FRMD4B: variants seen among roughly 807,000 people sequenced by gnomAD.
The protein encoded by FRMD4B is FERM domain containing 4B, also known as FERM domain-containing protein 4B.
A neutral mutation model predicts 141.5 loss-of-function variants in FRMD4B; 74 were observed. That is an observed-to-expected ratio of 0.52 (90% CI 0.43 to 0.63). The LOEUF is 0.63. FRMD4B is among the 30% of genes least tolerant of loss of function. The pLI, the probability that FRMD4B is intolerant of heterozygous loss-of-function variation, is 0.00. For missense variants in FRMD4B, 1,366 were observed against 1,253.4 expected, an observed-to-expected ratio of 1.09 and a Z score of -1.36; for synonymous variants, 506 against 467.9, an observed-to-expected ratio of 1.08 and a Z score of -1.05.
At chr3:69,278,566 C>T (rs578187489) in intron 5 of FRMD4B, among the ~76,000 whole-genome samples, 5 of 151,132 alleles carry the variant, frequency 3.3e-5, no homozygotes, top group South Asian at 2.1e-4. Context: ...CAAAGTGTTG[C>T]GATTACAGGT....
At chr3:69,471,861 G>A (rs551821939) in intron 1 of FRMD4B, 1 of 155,340 alleles carries the variant, frequency 6.4e-6, no homozygotes, top group African/African-American at 2.4e-5. Flanking sequence ...GTGTTGGGCA[G>A]AAGTATTTCT....
At chr3:69,203,918 T>C (rs2092996995) in intron 11 of FRMD4B, among the ~76,000 whole-genome samples, 3 of 152,292 alleles carry the variant, frequency 2.0e-5, no homozygotes, top group South Asian at 2.1e-4. Context: ...TGAGAAACAA[T>C]TGGGTTATTC....
chr3:69,176,416 A>G, intron 22 of FRMD4B, 108 bp downstream of exon 22: 2 of 879,270 alleles, frequency 2.3e-6, no homozygotes, highest in Non-Finnish European at 1.8e-6. Context: ...CCCACAGGCT[A>G]GAGTTTGCCA....
At chr3:69,294,161 C>T (rs1013024854) in intron 4 of FRMD4B, among the ~76,000 whole-genome samples, 1 of 152,114 alleles carries the variant, frequency 6.6e-6, no homozygotes, top group South Asian at 2.1e-4. Flanking sequence ...TTGTGACTGG[C>T]GTCCAGTGAG....
chr3:69,269,614 C>G (rs180814060), intron 5 of FRMD4B, among the ~76,000 whole-genome samples: 52 of 152,350 alleles, frequency 3.4e-4, no homozygotes, highest in African/African-American at 1.2e-3. Flanking sequence ...GAATTACTGA[C>G]TTCACTTCAA....
intron 2 of FRMD4B, among the ~76,000 whole-genome samples, chr3:69,399,853 A>G (rs1422794169): frequency 6.6e-6 from 1 of 152,202 alleles, no homozygotes; most frequent in Non-Finnish European, 1.5e-5. Context: ...CATAAGCTCC[A>G]TGGGTGCAGG....
At chr3:69,469,331 T>A (rs1373141472) in intron 1 of FRMD4B, among the ~76,000 whole-genome samples, 1 of 152,206 alleles carries the variant, frequency 6.6e-6, no homozygotes, top group Non-Finnish European at 1.5e-5. Context: ...TTCAACTGAC[T>A]CTTTAATTAA....
At chr3:69,335,270 A>C (rs1448438429) in intron 1 of FRMD4B, among the ~76,000 whole-genome samples, 3 of 152,220 alleles carry the variant, frequency 2.0e-5, no homozygotes, top group Admixed American at 2.0e-4. Context: ...GGCAGATCTG[A>C]GAAAAGCATA....
chr3:69,271,776 T>C (rs2093595521), intron 5 of FRMD4B, among the ~76,000 whole-genome samples: 1 of 151,972 alleles, frequency 6.6e-6, no homozygotes, highest in African/African-American at 2.4e-5. Flanking sequence ...AGTTCAACAC[T>C]AGCCTGGCCA....
At chr3:69,351,435 A>T (rs1317807172) in intron 1 of FRMD4B, among the ~76,000 whole-genome samples, 2 of 151,862 alleles carry the variant, frequency 1.3e-5, no homozygotes, top group African/African-American at 4.9e-5. Context: ...AAAGTGTTTT[A>T]GTATGGTTTT....
At chr3:69,380,569 C>G (rs1041269764) in intron 1 of FRMD4B, among the ~76,000 whole-genome samples, 5 of 152,196 alleles carry the variant, frequency 3.3e-5, no homozygotes, top group African/African-American at 1.2e-4. Flanking sequence ...TTCCCCCACT[C>G]TTACCCAGGA....
intron 1 of FRMD4B, among the ~76,000 whole-genome samples, chr3:69,328,422 C>T (rs1702254014): frequency 6.6e-6 from 1 of 152,062 alleles, no homozygotes; most frequent in Admixed American, 6.6e-5. Context: ...CCCTTTTTCC[C>T]CAGAGCTGGT....
chr3:69,268,561 G>C lies in FRMD4B; in HGVS notation c.502-18462C>G, dbSNP rs886653705. Among the ~76,000 whole-genome samples, 44 of 151,974 alleles carry C rather than the reference G, an allele frequency of 2.9e-4. 3 individuals carry two copies. Among genetic ancestry groups the C allele is most frequent in the Non-Finnish European group, 8.8e-5 (6 of 68,034 alleles). On this transcript the variant is annotated intron_variant, in intron 5 of 22. Transcript: ENST00000398540. ...ACAATGACAATTTGAATTAGTAGCA[G>C]CAGGGCGTTCTGATGCAAAACTATT...
At chr3:69,296,957 T>A (rs1701054271) in intron 4 of FRMD4B, among the ~76,000 whole-genome samples, 1 of 152,226 alleles carries the variant, frequency 6.6e-6, no homozygotes, top group Non-Finnish European at 1.5e-5. Context: ...TTAAACTTAG[T>A]TTCCATCTGT....
At position 69,343,569 on chromosome 3, in the gene FRMD4B, AGTTTTTT is replaced by A. The variant is rs1367550374; in HGVS notation, c.163-30059_163-30053del. Among the ~76,000 whole-genome samples the A allele has an allele frequency of 6.0e-3, 628 of 104,416 alleles. 7 individuals carry two copies. The highest frequency in any genetic ancestry group is 0.021 in the African/African-American group (590 of 28,496). 68.5% of individuals were successfully genotyped at this position (104,416 alleles called of 152,430 possible). The stretch of plus-strand genomic sequence containing the variant: ...CTACTTACAGCCATTTTGTCTTAAC[AGTTTTTT>A]GTTTTTTTTTTTTTTTTTTTTTAGA... On this transcript the variant is annotated intron_variant, in intron 1 of 22. Coordinates refer to ENST00000398540, the MANE Select transcript of FRMD4B (RefSeq NM_015123.3).
chr3:69,220,899 A>G (rs533615105), intron 9 of FRMD4B, among the ~76,000 whole-genome samples: 2 of 152,238 alleles, frequency 1.3e-5, no homozygotes, highest in South Asian at 2.1e-4. Context: ...AGGAAAATCT[A>G]CAATCTCCAA....
chr3:69,535,149 A>G (rs1271976864), intron 1 of FRMD4B, among the ~76,000 whole-genome samples: 1 of 152,258 alleles, frequency 6.6e-6, no homozygotes, highest in African/African-American at 2.4e-5. Flanking sequence ...CACTTGGTCA[A>G]AGCACACATT....
chr3:69,242,919 G>A (rs545467585), intron 7 of FRMD4B, among the ~76,000 whole-genome samples: 13 of 150,246 alleles, frequency 8.7e-5, no homozygotes, highest in Non-Finnish European at 1.5e-4. Flanking sequence ...GCTTGAACCC[G>A]GATAGCAGAG....
chr3:69,195,891 G>A (rs1217912444), intron 14 of FRMD4B, among the ~76,000 whole-genome samples: 1 of 152,112 alleles, frequency 6.6e-6, no homozygotes, highest in East Asian at 1.9e-4. Context: ...ACATTTGAGG[G>A]GTATGCTTGT....
Sources: allele counts gnomAD v4.1 joint callset (sites outside exome capture counted in the v4.1 genomes callset), GRCh38; gene constraint gnomAD v4.1.1; transcripts MANE v1.5; gene names NCBI Gene and HGNC (gene_info 2026-07-23, HGNC 2026-07-21).